CSMD1: variants seen among roughly 807,000 people sequenced by gnomAD.
CSMD1 encodes the protein CUB and Sushi multiple domains 1, also known as CUB and sushi domain-containing protein 1.
A neutral mutation model predicts 417.5 loss-of-function variants in CSMD1; 213 were observed. The ratio of observed to expected loss-of-function variants is 0.51; its 90% CI spans 0.46 to 0.57. The LOEUF (loss-of-function observed/expected upper bound fraction) is 0.57, where lower values mean the gene tolerates loss of function less well. Among genes scored for constraint, CSMD1 ranks in the 20% least tolerant of loss-of-function variants. The pLI, the probability that CSMD1 is intolerant of heterozygous loss-of-function variation, is 0.00. For synonymous variants in CSMD1, 2,862 were observed against 1,736.8 expected, an observed-to-expected ratio of 1.65 and a Z score of -16.11; for missense variants, 6,923 against 4,529.7, an observed-to-expected ratio of 1.53 and a Z score of -15.17.
At chr8:3,388,894 CAT>C (rs1310487537) in intron 17 of CSMD1, among the ~76,000 whole-genome samples, 3 of 87,028 alleles carry the variant, frequency 3.4e-5, no homozygotes, top group Admixed American at 3.0e-4. Flanking sequence ...CACACACATG[CAT>C]ACACACACAC....
At chr8:3,448,164 G>C (rs1010250696) in intron 12 of CSMD1, among the ~76,000 whole-genome samples, 1 of 150,692 alleles carries the variant, frequency 6.6e-6, no homozygotes, top group East Asian at 2.0e-4. Context: ...CCTGAATTGG[G>C]GGAGTAGATA....
intron 41 of CSMD1, chr8:3,127,423 A>T (rs946711933): frequency 6.6e-6 from 1 of 152,248 alleles, no homozygotes; most frequent in Non-Finnish European, 1.5e-5. Flanking sequence ...TATGGTTTGT[A>T]TACAAGCAAC....
At chr8:3,447,506 C>T (rs1815375823) in intron 12 of CSMD1, among the ~76,000 whole-genome samples, 1 of 152,146 alleles carries the variant, frequency 6.6e-6, no homozygotes, top group African/African-American at 2.4e-5. Context: ...GAAGTGCAGG[C>T]AGTGTACTTT....
At chr8:3,904,301 T>A (rs1010357113) in intron 5 of CSMD1, among the ~76,000 whole-genome samples, 1 of 152,176 alleles carries the variant, frequency 6.6e-6, no homozygotes, top group African/African-American at 2.4e-5. Flanking sequence ...GGACACCCCT[T>A]TCTTTCATCC....
At chr8:3,423,426 G>C (rs996418159) in intron 12 of CSMD1, among the ~76,000 whole-genome samples, 1 of 152,050 alleles carries the variant, frequency 6.6e-6, no homozygotes, top group Non-Finnish European at 1.5e-5. Context: ...GGAATCATAG[G>C]GTACACACAT....
At chr8:3,735,956 T>G (rs770563212) in intron 6 of CSMD1, among the ~76,000 whole-genome samples, 4 of 151,894 alleles carry the variant, frequency 2.6e-5, no homozygotes, top group Non-Finnish European at 4.4e-5. Context: ...AAATAAACAG[T>G]AGACAGGTAA....
intron 25 of CSMD1, among the ~76,000 whole-genome samples, chr8:3,285,684 C>T (rs1235679033): frequency 6.6e-6 from 1 of 152,032 alleles, no homozygotes. Flanking sequence ...CAGGCATGAG[C>T]CACCACGCCC....
intron 5 of CSMD1, among the ~76,000 whole-genome samples, chr8:3,784,317 T>C (rs1743803737): frequency 6.6e-6 from 1 of 152,208 alleles, no homozygotes; most frequent in Non-Finnish European, 1.5e-5. Flanking sequence ...TACTTTCTAA[T>C]ATCTCACTTC....
Position 3,564,835 on chromosome 8 carries a change from T to C in CSMD1, c.1344+10110A>G, listed in dbSNP as rs548392193. Among the ~76,000 whole-genome samples the C allele has an allele frequency of 3.1e-3, 473 of 151,802 alleles. 2 individuals carry two copies. The highest frequency in any genetic ancestry group is 7.4e-3 in the Admixed American group (112 of 15,238). ...AGTCACCAAAACCAAACTCAGTTTA[T>C]GAAAAAAGTTGCAACTGTTAAGCAG... On this transcript the variant is annotated intron_variant, in intron 10 of 69. Transcript: ENST00000635120.
intron 40 of CSMD1, among the ~76,000 whole-genome samples, chr8:3,148,259 T>C (rs190373035): frequency 2.6e-5 from 4 of 152,344 alleles, no homozygotes; most frequent in Non-Finnish European, 5.9e-5. Flanking sequence ...GAGTGCTTCA[T>C]TTGTAAGTGC....
chr8:3,073,402 C>G (rs1401661072), intron 49 of CSMD1, among the ~76,000 whole-genome samples: 1 of 152,072 alleles, frequency 6.6e-6, no homozygotes, highest in East Asian at 1.9e-4. Flanking sequence ...ACTCAGAAAA[C>G]TGGGTAGCCA....
intron 3 of CSMD1, among the ~76,000 whole-genome samples, chr8:4,353,078 T>C (rs1019977118): frequency 1.3e-5 from 2 of 152,254 alleles, no homozygotes; most frequent in Admixed American, 1.3e-4. Flanking sequence ...TATTGTCAAC[T>C]TCACTTATTT....
intron 1 of CSMD1, among the ~76,000 whole-genome samples, chr8:4,756,614 C>T (rs1811683588): frequency 6.6e-6 from 1 of 152,150 alleles, no homozygotes; most frequent in African/African-American, 2.4e-5. Context: ...TTCACTTTGG[C>T]TCACTAATTG....
chr8:3,814,431 G>A (rs986859683), intron 5 of CSMD1, among the ~76,000 whole-genome samples: 19 of 152,176 alleles, frequency 1.2e-4, no homozygotes, highest in African/African-American at 4.3e-4. Flanking sequence ...GTCATCTCTA[G>A]AGCATGACAG....
intron 6 of CSMD1, among the ~76,000 whole-genome samples, chr8:3,747,264 T>A (rs575939422): frequency 1.3e-5 from 2 of 152,318 alleles, no homozygotes; most frequent in South Asian, 2.1e-4. Context: ...TGCCATCCAA[T>A]AACCCCATGC....
At chr8:3,991,001 G>A (rs566548829) in intron 5 of CSMD1, among the ~76,000 whole-genome samples, 22 of 152,240 alleles carry the variant, frequency 1.4e-4, no homozygotes, top group African/African-American at 5.3e-4. Flanking sequence ...AAACACACCT[G>A]ACAAAAACCT....
intron 26 of CSMD1, among the ~76,000 whole-genome samples, chr8:3,267,408 G>A (rs1241441953): frequency 6.6e-6 from 1 of 152,228 alleles, no homozygotes; most frequent in Non-Finnish European, 1.5e-5. Context: ...AGGCTTCGCT[G>A]CAACAATAGA....
At chr8:4,348,923 A>G (rs1800930512) in intron 3 of CSMD1, among the ~76,000 whole-genome samples, 1 of 152,116 alleles carries the variant, frequency 6.6e-6, no homozygotes, top group African/African-American at 2.4e-5. Context: ...TATCACAGCT[A>G]TTGTTCCTTA....
At chr8:4,348,262 A>G (rs1283955574) in intron 3 of CSMD1, among the ~76,000 whole-genome samples, 1 of 152,052 alleles carries the variant, frequency 6.6e-6, no homozygotes, top group Non-Finnish European at 1.5e-5. Flanking sequence ...CTTCATGTCT[A>G]AGGGGAAGGT....
Sources: gnomAD v4.1 joint callset for allele counts (sites outside exome capture counted in the v4.1 genomes callset) on GRCh38, gnomAD v4.1.1 for gene constraint, MANE v1.5 for transcripts, NCBI Gene and HGNC (gene_info 2026-07-23, HGNC 2026-07-21) for gene names.